Variants in CRABP2 observed in about 807,000 individuals in gnomAD.
CRABP2 encodes cellular retinoic acid-binding protein 2.
In CRABP2, 20 loss-of-function variants were observed where a neutral mutation model predicts 17.9. That is an observed-to-expected ratio of 1.12 (90% CI 0.79 to 1.63). CRABP2 has a LOEUF of 1.63. CRABP2 is among the 40% of genes most tolerant of loss of function. The pLI is 0.00. For synonymous variants in CRABP2, 76 were observed against 66.4 expected (o/e 1.14, Z -0.70); for missense variants, 151 against 168.6 (o/e 0.90, Z 0.58).
chr1:156,699,900 C>A lies in CRABP2; in HGVS notation c.*126G>T. ...ACCCTGCAAGAGGCATCCCAGTGAC[C>A]CCCAGAAGTGACTGGGGTAAGGGGA... is the stretch of plus-strand genomic sequence containing the variant. On this transcript the variant is annotated 3_prime_UTR_variant, in exon 4 of 4. Transcript: ENST00000368222. The A allele has an allele frequency of 2.1e-6, 2 of 965,554 alleles. No individual in the cohort carries two copies. The allele number at this position is 965,554 out of a possible 1,614,324, so 59.8% of individuals were successfully genotyped here. A position where few individuals can be genotyped will look rare whatever the true frequency, so the allele number is the denominator to read the frequency against.
upstream of CRABP2, chr1:156,705,668 G>C (rs1384566063): frequency 7.0e-6 from 3 of 428,236 alleles, no homozygotes; most frequent in South Asian, 4.8e-5. This position sits in a 1 kb window ranked among gnomAD's most constrained non-coding sequence, Gnocchi z 5.2. Flanking sequence ...CTCCCGCTCC[G>C]CCCCCCCCCA....
chr1:156,704,372 A>T (rs1648131555), intron 1 of CRABP2, among the ~76,000 whole-genome samples: 1 of 152,114 alleles, frequency 6.6e-6, no homozygotes, highest in South Asian at 2.1e-4. Context: ...ACCCAGCCGA[A>T]CTACCGTCTC....
In CRABP2 at chr1:156,700,568, G is replaced by C; in HGVS notation, c.340C>G (p.Leu114Val). Residue 114 changes from leucine (L) to valine (V), a missense_variant, in exon 3 of 4, where the codon CTG becomes GTG. By Grantham distance (32) the Leu-to-Val change is conservative (BLOSUM62 1). Coordinates refer to ENST00000368222, the MANE Select transcript of CRABP2 (RefSeq NM_001878.4). ...EGPKTSWTRE[L>V]TNDGELILTM... Reference sequence around the variant, plus strand: ...AGGATCAGTTCCCCATCGTTGGTCAGTTCTCTGGTCCACGAGGTCTTGGGG... The same window carrying C: ...AGGATCAGTTCCCCATCGTTGGTCACTTCTCTGGTCCACGAGGTCTTGGGG... 6.2e-7 allele frequency: 1 copy of C among 1,614,106 alleles called. No homozygotes were observed. Among genetic ancestry groups the C allele is most frequent in the Non-Finnish European group, 8.5e-7 (1 of 1,179,952 alleles).
chr1:156,703,380 T>G (rs573917771), intron 1 of CRABP2, among the ~76,000 whole-genome samples: 1 of 152,152 alleles, frequency 6.6e-6, no homozygotes, highest in Admixed American at 6.5e-5. Flanking sequence ...AGCACCCCTC[T>G]GAAAGGAAGA....
intron 1 of CRABP2, among the ~76,000 whole-genome samples, chr1:156,701,476 C>T (rs1057472082): frequency 6.6e-6 from 1 of 152,170 alleles, no homozygotes; most frequent in African/African-American, 2.4e-5. Context: ...CTTTTGTCTA[C>T]CCTGTTGACA....
chr1:156,702,573 G>C (rs966418847), intron 1 of CRABP2, among the ~76,000 whole-genome samples: 1 of 152,038 alleles, frequency 6.6e-6, no homozygotes, highest in Non-Finnish European at 1.5e-5. Context: ...GGGAGTTTGA[G>C]ACCAGCCTGA....
rs182619614 is a variant in CRABP2 at position 156,704,349 on chromosome 1, C to T, written c.70+1028G>A. Among the ~76,000 whole-genome samples the T allele has an allele frequency of 8.0e-3, 1,225 of 152,260 alleles. 21 individuals carry two copies. The highest frequency in any genetic ancestry group is 0.028 in the African/African-American group (1,153 of 41,540). On this transcript the variant is annotated intron_variant, in intron 1 of 3. Coordinates refer to ENST00000368222, the MANE Select transcript of CRABP2 (RefSeq NM_001878.4). ...AGGGAGAGGGGTGCCTTCCCTCCCTCCCCTCTCGCCCAACCCAGCCGAACT... is the reference window on the plus strand; with the variant it reads ...AGGGAGAGGGGTGCCTTCCCTCCCTTCCCTCTCGCCCAACCCAGCCGAACT...
Position 156,705,276 on chromosome 1 carries a change from GTC to G in CRABP2, c.70+99_70+100del. The G allele has an allele frequency of 7.6e-7, 1 of 1,310,668 alleles. No homozygotes were observed. The highest frequency in any genetic ancestry group is 1.1e-6 in the Non-Finnish European group (1 of 908,526). The allele number at this position is 1,310,668 out of a possible 1,614,324, so 81.2% of individuals were successfully genotyped here. A position where few individuals can be genotyped will look rare whatever the true frequency, so the allele number is the denominator to read the frequency against. On this transcript the variant is annotated intron_variant, in intron 1 of 3. Transcript: ENST00000368222. This position sits in a 1 kb window ranked among gnomAD's most constrained non-coding sequence, Gnocchi z 5.2. ...TTTTTCGGGGATGCAGGCACCCAGT[GTC>G]TCACGCCCTGATTGTGGTCCCGCTG...
rs1273495813 is a variant in CRABP2 at position 156,700,671 on chromosome 1, G to A, written c.250-13C>T. 1.9e-6 allele frequency: 3 copies of A among 1,611,422 alleles called. No homozygotes were observed. Among genetic ancestry groups the A allele is most frequent in the Non-Finnish European group, 2.5e-6 (3 of 1,177,528 alleles). On this transcript the variant is annotated splice_polypyrimidine_tract_variant and intron_variant, in intron 2 of 3. Coordinates refer to ENST00000368222, the MANE Select transcript of CRABP2 (RefSeq NM_001878.4). ...ATTTCACCAGGCTCTGCAAGAGACAGGTGGCCAAGTGAGCTGGGCCCATAG... is the reference window on the plus strand; with the variant it reads ...ATTTCACCAGGCTCTGCAAGAGACAAGTGGCCAAGTGAGCTGGGCCCATAG...
intron 1 of CRABP2, among the ~76,000 whole-genome samples, chr1:156,704,529 T>C (rs1384185636): frequency 6.6e-6 from 1 of 152,194 alleles, no homozygotes; most frequent in Non-Finnish European, 1.5e-5. Flanking sequence ...TCTAGCCCAG[T>C]TGGCCCAGAG....
chr1:156,701,199 T>A, intron 1 of CRABP2, 147 bp from the exon 2 acceptor site: 1 of 785,066 alleles, frequency 1.3e-6, no homozygotes, highest in Non-Finnish European at 2.0e-6. Context: ...CCTGGGTGTC[T>A]AAGAAAGTGC....
In CRABP2 at chr1:156,701,009, G is replaced by A; in HGVS notation, c.114C>T (p.Ser38=). The A allele has an allele frequency of 6.2e-7, 1 of 1,614,148 alleles. No individual in the cohort carries two copies. Among genetic ancestry groups the A allele is most frequent in the Non-Finnish European group, 8.5e-7 (1 of 1,180,024 alleles). Reference sequence around the variant, plus strand: ...CCTGTTTGATCTCCACTGCTGGCTTGGACGCTGCAGCCACAGCAATCTTCC... The same window carrying A: ...CCTGTTTGATCTCCACTGCTGGCTTAGACGCTGCAGCCACAGCAATCTTCC... ...MLRKIAVAAA[S]KPAVEIKQEG... Residue 38 remains serine, a synonymous_variant, in exon 2 of 4, where the codon TCC becomes TCT. Transcript: ENST00000368222.
rs2102603664 is a variant in CRABP2 at position 156,700,990 on chromosome 1, T to C, written c.133A>G (p.Lys45Glu). Residue 45 changes from lysine (K) to glutamate (E), a missense_variant, in exon 2 of 4, where the codon AAA becomes GAA. Transcript: ENST00000368222. ...AAASKPAVEI[K>E]QEGDTFYIKT... ...ATGTAGAAAGTGTCTCCCTCCTGTT[T>C]GATCTCCACTGCTGGCTTGGACGCT... The C allele has an allele frequency of 6.2e-7, 1 of 1,614,150 alleles. No homozygotes were observed. Among genetic ancestry groups the C allele is most frequent in the East Asian group, 2.2e-5 (1 of 44,878 alleles).
chr1:156,700,174 T>C, intron 3 of CRABP2, 98 bp from the exon 4 acceptor site: 1 of 1,246,048 alleles, frequency 8.0e-7, no homozygotes, highest in Non-Finnish European at 1.1e-6. Context: ...GGCCTCCAGG[T>C]CCAAACCTGC....
At chr1:156,700,320 C>A (rs1647989384) in intron 3 of CRABP2, among the ~76,000 whole-genome samples, 1 of 152,150 alleles carries the variant, frequency 6.6e-6, no homozygotes, top group African/African-American at 2.4e-5. Flanking sequence ...CTGCTGGGAT[C>A]CCTCAGTACA....
rs1648014976 is a variant in CRABP2, at chr1:156,700,974, G to C, written c.149C>G (p.Thr50Ser). ...PAVEIKQEGD[T>S]FYIKTSTTVR... The stretch of plus-strand genomic sequence containing the variant: ...GGTGGTGGAGGTTTTGATGTAGAAA[G>C]TGTCTCCCTCCTGTTTGATCTCCAC... Residue 50 changes from threonine to serine, a missense_variant, in exon 2 of 4, where the codon ACT becomes AGT. Coordinates refer to ENST00000368222, the MANE Select transcript of CRABP2 (RefSeq NM_001878.4). 4 of 1,614,194 alleles carry C rather than the reference G, an allele frequency of 2.5e-6. No individual in the cohort carries two copies. The East Asian group carries it at 6.7e-5, about 27-fold the overall frequency.
rs1647996721 is a variant in CRABP2 at position 156,700,522 on chromosome 1, G to A, written c.366+20C>T. 1 of 1,582,008 alleles carries A rather than the reference G, an allele frequency of 6.3e-7. No individual in the cohort carries two copies. The highest frequency in any genetic ancestry group is 2.2e-5 in the East Asian group (1 of 44,696). ...AGGTAGCACTGGGTTTGCTATTAGT[G>A]GGGAGGAGGCAGGACTTACCAGGAT... On this transcript the variant is annotated intron_variant, in intron 3 of 3. Coordinates refer to ENST00000368222, the MANE Select transcript of CRABP2 (RefSeq NM_001878.4).
chr1:156,703,855 C>T (rs1018353976), intron 1 of CRABP2, among the ~76,000 whole-genome samples: 6 of 152,200 alleles, frequency 3.9e-5, no homozygotes, highest in Non-Finnish European at 7.3e-5. Flanking sequence ...CAGCGAGCCC[C>T]TGGTGCCTGT....
At chr1:156,704,370 G>A (rs562358692) in intron 1 of CRABP2, among the ~76,000 whole-genome samples, 2 of 152,016 alleles carry the variant, frequency 1.3e-5, no homozygotes, top group African/African-American at 2.4e-5. Context: ...CAACCCAGCC[G>A]AACTACCGTC....
Sources: allele counts gnomAD v4.1 joint callset (sites outside exome capture counted in the v4.1 genomes callset), GRCh38; gene constraint gnomAD v4.1.1; non-coding constraint Gnocchi (gnomAD v3.1); transcripts MANE v1.5; gene names NCBI Gene and HGNC (gene_info 2026-07-23, HGNC 2026-07-21).